Variants in ZSWIM2 observed in about 807,000 individuals in gnomAD.
ZSWIM2 encodes the protein E3 ubiquitin-protein ligase ZSWIM2.
Under a neutral mutation model 48.4 loss-of-function variants are expected in ZSWIM2, and 38 were observed. The ratio of observed to expected loss-of-function variants is 0.79; its 90% CI spans 0.61 to 1.03. The LOEUF (loss-of-function observed/expected upper bound fraction) is 1.03, where lower values mean the gene tolerates loss of function less well. Among genes scored for constraint, ZSWIM2 ranks in the 50% least tolerant of loss-of-function variants. ZSWIM2 has a pLI of 0.00. For synonymous variants in ZSWIM2, 240 were observed against 251.3 expected, an observed-to-expected ratio of 0.96 and a Z score of 0.42; for missense variants, 776 against 730.2, an observed-to-expected ratio of 1.06 and a Z score of -0.72.
intron 5 of ZSWIM2, among the ~76,000 whole-genome samples, chr2:186,835,544 A>G (rs1486993272): frequency 6.6e-6 from 1 of 152,186 alleles, no homozygotes; most frequent in Non-Finnish European, 1.5e-5. Flanking sequence ...GGTGCCATTT[A>G]TTCAATACAT....
At chr2:186,831,294 G>C (rs1480881177) in intron 7 of ZSWIM2, among the ~76,000 whole-genome samples, 1 of 151,940 alleles carries the variant, frequency 6.6e-6, no homozygotes, top group Non-Finnish European at 1.5e-5. Flanking sequence ...GTACCCATGG[G>C]CATGGGCTAT....
intron 4 of ZSWIM2, among the ~76,000 whole-genome samples, chr2:186,838,348 A>G (rs1206382708): frequency 7.4e-6 from 1 of 135,304 alleles, no homozygotes; most frequent in Admixed American, 7.3e-5. Context: ...ATTAATGAGT[A>G]AAAAAAAAAA....
intron 2 of ZSWIM2, among the ~76,000 whole-genome samples, chr2:186,846,808 C>CATATATATATAT (rs1264213432): frequency 0.034 from 1,729 of 50,162 alleles, 56 homozygotes; most frequent in African/African-American, 0.089. Flanking sequence ...CACACACACA[C>CATATATATATAT]ACATATATAT....
At chr2:186,839,696 C>CTTA (rs1691867744) in intron 3 of ZSWIM2, among the ~76,000 whole-genome samples, 2 of 151,762 alleles carry the variant, frequency 1.3e-5, no homozygotes, top group Admixed American at 1.3e-4. Flanking sequence ...TCTCATTAGT[C>CTTA]TTATCCTCAA....
At chr2:186,839,763 T>C (rs761350949) in intron 3 of ZSWIM2, among the ~76,000 whole-genome samples, 4 of 151,620 alleles carry the variant, frequency 2.6e-5, no homozygotes, top group East Asian at 1.9e-4. Flanking sequence ...GCTTGCACCA[T>C]TGGGATGTGC....
chr2:186,836,256 C>T (rs1415144020), intron 5 of ZSWIM2, among the ~76,000 whole-genome samples: 1 of 152,034 alleles, frequency 6.6e-6, no homozygotes, highest in Non-Finnish European at 1.5e-5. Flanking sequence ...CTGCTAATAC[C>T]AAAGATCAAG....
Position 186,833,171 on chromosome 2 carries a change from T to C in ZSWIM2, c.890A>G (p.Asp297Gly), listed in dbSNP as rs371651764. 4.6e-6 allele frequency: 7 copies of C among 1,535,714 alleles called. No homozygotes were observed. Among genetic ancestry groups the C allele is most frequent in the Non-Finnish European group, 6.1e-6 (7 of 1,144,982 alleles). The part of the protein sequence containing the change: ...KRADEVVKYI[D>G]TKNEIEEKMS... ...CTTTTCTTCAATCTCATTTTTAGTATCTATGTATTTTACAACTTCATCTGC... is the reference window on the plus strand; with the variant it reads ...CTTTTCTTCAATCTCATTTTTAGTACCTATGTATTTTACAACTTCATCTGC... The change falls in exon 7 of 9, where the codon GAT (aspartate) becomes GGT (glycine). Residue 297 changes from aspartate to glycine, a missense_variant. Asp to Gly is a moderately conservative substitution (Grantham distance 94). Transcript: ENST00000295131.
chr2:186,837,695 C>G lies in ZSWIM2; in HGVS notation c.495-141G>C, dbSNP rs193099168. ...TCTTTATTCCACAAAAAAATAGATT[C>G]TGAACTGATTTTCAGCTATAGCTTG... On this transcript the variant is annotated intron_variant, in intron 4 of 8. Coordinates refer to ENST00000295131, the MANE Select transcript of ZSWIM2 (RefSeq NM_182521.3). 2.6e-4 allele frequency: 62 copies of G among 243,068 alleles called. No individual in the cohort carries two copies. The East Asian group carries it at 6.9e-3, about 27-fold the overall frequency. 15.1% of individuals were successfully genotyped at this position (243,068 alleles called of 1,614,324 possible).
intron 2 of ZSWIM2, among the ~76,000 whole-genome samples, chr2:186,847,075 A>G (rs1471870982): frequency 6.8e-6 from 1 of 146,520 alleles, no homozygotes; most frequent in South Asian, 2.1e-4. Context: ...ATTGGGTACA[A>G]TGTTCACTAT....
rs1339676481 is a variant in ZSWIM2 at position 186,837,666 on chromosome 2, A to G, written c.495-112T>C. 16 of 364,834 alleles carry G rather than the reference A, an allele frequency of 4.4e-5. No homozygotes were observed. In the Admixed American group the frequency reaches 6.5e-4, roughly 15 times the overall value. 22.6% of individuals were successfully genotyped at this position (364,834 alleles called of 1,614,324 possible). A position where few individuals can be genotyped will look rare whatever the true frequency, so the allele number is the denominator to read the frequency against. On this transcript the variant is annotated intron_variant, in intron 4 of 8. Transcript: ENST00000295131. ...TTATATAAATAAAATTTCCTGTGCT[A>G]CCATCTTTATTCCACAAAAAAATAG...
intron 7 of ZSWIM2, among the ~76,000 whole-genome samples, chr2:186,830,644 A>T (rs1691682666): frequency 6.6e-6 from 1 of 151,690 alleles, no homozygotes; most frequent in African/African-American, 2.4e-5. Context: ...GAGATAAGGA[A>T]ATTTGTTTTC....
chr2:186,838,296 T>C (rs564182582), intron 4 of ZSWIM2, among the ~76,000 whole-genome samples: 2 of 150,848 alleles, frequency 1.3e-5, no homozygotes, highest in East Asian at 1.9e-4. Context: ...GAATTGGTTA[T>C]GTAGACAGAA....
At position 186,828,626 on chromosome 2, in the gene ZSWIM2, T is replaced by C. The variant is rs1691641769; in HGVS notation, c.1260A>G (p.Lys420=). 34 of 1,613,026 alleles carry C rather than the reference T, an allele frequency of 2.1e-5. No homozygotes were observed. The highest frequency in any genetic ancestry group is 2.9e-5 in the Non-Finnish European group (34 of 1,179,602). Residue 420 remains lysine (K), a synonymous_variant, in exon 9 of 9, where the codon AAA becomes AAG. Coordinates refer to ENST00000295131, the MANE Select transcript of ZSWIM2 (RefSeq NM_182521.3). ...TACCAGGAATAAAAAGATCTGGTTC[T>C]TTCTGCTTTGATAGATGAATGATGT... is the stretch of plus-strand genomic sequence containing the variant. ...NRDIIHLSKQ[K]EPDLFIPGTG... is the part of the protein sequence containing the mutation.
In ZSWIM2 at chr2:186,833,156, A is replaced by G. The variant is rs10164815; in HGVS notation, c.905T>C (p.Ile302Thr). The G allele has an allele frequency of 0.12, 174,115 of 1,505,308 alleles. 13,456 individuals are homozygous for G. The highest frequency in any genetic ancestry group is 0.4 in the African/African-American group (27,310 of 68,618). The allele number at this position is 1,505,308 out of a possible 1,614,324, so 93.2% of individuals were successfully genotyped here. Residue 302 changes from isoleucine (I) to threonine (T), a missense_variant, in exon 7 of 9, where the codon ATT becomes ACT. Physicochemically the swap from Ile to Thr is moderately conservative, Grantham distance 89. Transcript: ENST00000295131. Reference protein sequence around the residue: ...VVKYIDTKNEIEEKMSHFQEK... With the variant: ...VVKYIDTKNETEEKMSHFQEK... ...TTGAAAATGTGACATCTTTTCTTCAATCTCATTTTTAGTATCTATGTATTT... is the reference window on the plus strand; with the variant it reads ...TTGAAAATGTGACATCTTTTCTTCAGTCTCATTTTTAGTATCTATGTATTT...
At chr2:186,846,810 C>CATATAT (rs36111849) in intron 2 of ZSWIM2, among the ~76,000 whole-genome samples, 1 of 143,696 alleles carries the variant, frequency 7.0e-6, no homozygotes, top group African/African-American at 2.8e-5. Context: ...CACACACACA[C>CATATAT]ATATATATAT....
At chr2:186,834,122 A>G in intron 5 of ZSWIM2, 92 bp from the exon 6 acceptor site, 1 of 845,566 alleles carries the variant, frequency 1.2e-6, no homozygotes, top group Non-Finnish European at 1.9e-6. Context: ...ACTTCCTGGG[A>G]ACAATCCAAA....
rs768928560 is a variant in ZSWIM2 at position 186,827,953 on chromosome 2, A to G, written c.*31T>C. The G allele has an allele frequency of 1.4e-6, 2 of 1,474,216 alleles. No homozygotes were observed. Among genetic ancestry groups the G allele is most frequent in the South Asian group, 1.4e-5 (1 of 71,638 alleles). The allele number at this position is 1,474,216 out of a possible 1,614,324, so 91.3% of individuals were successfully genotyped here. Reference sequence around the variant, plus strand: ...TATATAAAACATTTTTTTATATTCAACATTCAAATATTTTCAGATAGTAAA... The same window carrying G: ...TATATAAAACATTTTTTTATATTCAGCATTCAAATATTTTCAGATAGTAAA... On this transcript the variant is annotated 3_prime_UTR_variant, in exon 9 of 9. Coordinates refer to ENST00000295131, the MANE Select transcript of ZSWIM2 (RefSeq NM_182521.3).
At chr2:186,848,836 G>T (rs1242031765) in intron 1 of ZSWIM2, 130 bp downstream of exon 1, 2 of 1,158,934 alleles carry the variant, frequency 1.7e-6, no homozygotes, top group Admixed American at 1.9e-5. Context: ...TCGTGGGAAG[G>T]CGCTTTCGGG....
intron 3 of ZSWIM2, among the ~76,000 whole-genome samples, chr2:186,843,615 G>A (rs1166069455): frequency 6.6e-6 from 1 of 151,396 alleles, no homozygotes; most frequent in Non-Finnish European, 1.5e-5. Flanking sequence ...TTACAGCTTT[G>A]AAGAGAAAAT....
Sources: gnomAD v4.1 joint callset for allele counts (sites outside exome capture counted in the v4.1 genomes callset) on GRCh38, gnomAD v4.1.1 for gene constraint, MANE v1.5 for transcripts, NCBI Gene and HGNC (gene_info 2026-07-23, HGNC 2026-07-21) for gene names.